Variants in MED27 observed in about 807,000 individuals in gnomAD.
MED27 encodes mediator complex subunit 27.
Under a neutral mutation model 38.2 loss-of-function variants are expected in MED27, and 30 were observed. The observed-to-expected ratio is 0.79, with a 90% CI of 0.59 to 1.07. The LOEUF (loss-of-function observed/expected upper bound fraction) is 1.07, where lower values mean the gene tolerates loss of function less well. Ranked by LOEUF, MED27 falls within the 50% of genes least tolerant of loss-of-function variation. The probability of loss-of-function intolerance (pLI) is 0.00; values close to 1 mark genes in which losing one functional copy is unlikely to be tolerated. For missense variants in MED27, 289 were observed against 397.5 expected, an observed-to-expected ratio of 0.73 and a Z score of 2.32; for synonymous variants, 122 against 153.5, an observed-to-expected ratio of 0.79 and a Z score of 1.52.
chr9:132,070,567 T>C (rs1463175591), intron 2 of MED27, among the ~76,000 whole-genome samples: 1 of 152,100 alleles, frequency 6.6e-6, no homozygotes. Context: ...AAAAAAAGGC[T>C]AAAAATCCCA....
In MED27 at chr9:132,009,094, T is replaced by C. The variant is rs926560819; in HGVS notation, c.479+5243A>G. Among the ~76,000 whole-genome samples the C allele has an allele frequency of 1.1e-4, 16 of 152,310 alleles. No homozygotes were observed. The South Asian group carries it at 1.4e-3, about 14-fold the overall frequency. ...GTCAACTTGGTCCATGTTGCTATGA[T>C]GCTCTGCTCCTTGTTTGCTCCTATC... is the stretch of plus-strand genomic sequence containing the variant. On this transcript the variant is annotated intron_variant, in intron 3 of 7. Coordinates refer to ENST00000292035, the MANE Select transcript of MED27 (RefSeq NM_004269.4).
At chr9:131,948,053 T>C (rs986973793) in intron 3 of MED27, among the ~76,000 whole-genome samples, 3 of 152,180 alleles carry the variant, frequency 2.0e-5, no homozygotes, top group African/African-American at 7.2e-5. Context: ...AAACTACAAC[T>C]ATCAATCTCA....
chr9:131,930,860 G>C (rs1022259234), intron 4 of MED27, among the ~76,000 whole-genome samples: 1 of 152,102 alleles, frequency 6.6e-6, no homozygotes, highest in Non-Finnish European at 1.5e-5. Context: ...AAAAAGCGGG[G>C]CCATGAAAAA....
chr9:131,961,593 T>C (rs1402415067), intron 3 of MED27, among the ~76,000 whole-genome samples: 1 of 152,224 alleles, frequency 6.6e-6, no homozygotes, highest in South Asian at 2.1e-4. Context: ...AGATTTCCAC[T>C]GTAAATAATG....
intron 6 of MED27, among the ~76,000 whole-genome samples, chr9:131,866,848 A>G (rs1286824162): frequency 6.6e-6 from 1 of 152,198 alleles, no homozygotes; most frequent in East Asian, 1.9e-4. Context: ...GCGAACTGTG[A>G]ACTCCATGTG....
chr9:131,865,876 G>C (rs975407274), intron 6 of MED27, among the ~76,000 whole-genome samples: 2 of 152,152 alleles, frequency 1.3e-5, no homozygotes, highest in Admixed American at 1.3e-4. Flanking sequence ...GAGGATCTGG[G>C]GACCATCTCA....
At chr9:132,027,914 T>G (rs1832859137) in intron 2 of MED27, among the ~76,000 whole-genome samples, 1 of 151,972 alleles carries the variant, frequency 6.6e-6, no homozygotes, top group Non-Finnish European at 1.5e-5. Flanking sequence ...GGAGGGTGAG[T>G]GTACTGGGCA....
intron 6 of MED27, 88 bp from the exon 7 acceptor site, chr9:131,863,228 A>G (rs1167968058): frequency 9.5e-7 from 1 of 1,052,034 alleles, no homozygotes; most frequent in East Asian, 2.4e-5. Flanking sequence ...TTCTGTGTGA[A>G]AACAGATCTG....
intron 2 of MED27, among the ~76,000 whole-genome samples, chr9:132,016,994 T>C (rs1190419280): frequency 6.6e-6 from 1 of 152,076 alleles, no homozygotes; most frequent in Non-Finnish European, 1.5e-5. Context: ...GGACTCTTCT[T>C]CCCCCAAAAC....
chr9:132,068,312 C>T (rs759134125), intron 2 of MED27, among the ~76,000 whole-genome samples: 11 of 152,166 alleles, frequency 7.2e-5, no homozygotes, highest in Non-Finnish European at 1.6e-4. Context: ...AGGACTCGGG[C>T]TCCCGTGTAC....
At chr9:131,961,439 T>C (rs1255240608) in intron 3 of MED27, among the ~76,000 whole-genome samples, 1 of 152,236 alleles carries the variant, frequency 6.6e-6, no homozygotes, top group Non-Finnish European at 1.5e-5. Context: ...CAGAACAGTA[T>C]AGCATGTTTT....
intron 2 of MED27, among the ~76,000 whole-genome samples, chr9:132,075,602 A>T (rs1162880628): frequency 9.2e-5 from 14 of 152,216 alleles, no homozygotes; most frequent in Admixed American, 9.2e-4. Flanking sequence ...AGAACAATTC[A>T]GTGATTAAAC....
At chr9:132,001,519 T>C (rs2131057706) in intron 3 of MED27, among the ~76,000 whole-genome samples, 1 of 152,250 alleles carries the variant, frequency 6.6e-6, no homozygotes, top group East Asian at 1.9e-4. Flanking sequence ...AAACCACTAT[T>C]ATAAAATGAA....
At chr9:131,884,207 T>A (rs548264996) in intron 5 of MED27, 108 bp from the exon 6 acceptor site, 235 of 774,066 alleles carry the variant, frequency 3.0e-4, no homozygotes, top group Admixed American at 8.7e-4. Flanking sequence ...AAAAAAAATC[T>A]GATTATAGAA....
chr9:131,999,160 A>G (rs1589257668), intron 3 of MED27, among the ~76,000 whole-genome samples: 1 of 152,324 alleles, frequency 6.6e-6, no homozygotes, highest in African/African-American at 2.4e-5. Context: ...GCAAAGAAAG[A>G]GTTCCATTCC....
chr9:132,030,089 G>C (rs1832922096), intron 2 of MED27, among the ~76,000 whole-genome samples: 1 of 152,232 alleles, frequency 6.6e-6, no homozygotes, highest in South Asian at 2.1e-4. Context: ...GGAGGGATGT[G>C]AAAAGGTGTT....
chr9:131,921,235 C>T (rs1172812592), intron 4 of MED27, among the ~76,000 whole-genome samples: 1 of 152,172 alleles, frequency 6.6e-6, no homozygotes, highest in African/African-American at 2.4e-5. Context: ...CACTACCCTG[C>T]ACCTGCCGCA....
intron 4 of MED27, among the ~76,000 whole-genome samples, chr9:131,898,727 G>A (rs894283513): frequency 6.6e-6 from 1 of 151,978 alleles, no homozygotes; most frequent in Non-Finnish European, 1.5e-5. Flanking sequence ...TGGGATTACA[G>A]GCGTGTGCCA....
At chr9:132,022,159 G>A (rs1163635444) in intron 2 of MED27, among the ~76,000 whole-genome samples, 2 of 152,172 alleles carry the variant, frequency 1.3e-5, no homozygotes, top group Admixed American at 1.3e-4. Flanking sequence ...TCTGAAGAGG[G>A]ACAACATGGT....
Sources: allele counts gnomAD v4.1 joint callset (sites outside exome capture counted in the v4.1 genomes callset), GRCh38; gene constraint gnomAD v4.1.1; transcripts MANE v1.5; gene names NCBI Gene and HGNC (gene_info 2026-07-23, HGNC 2026-07-21).